The following DCC variants were observed in gnomAD, a reference collection of about 807,000 sequenced individuals.
The protein encoded by DCC is netrin receptor DCC.
Under a neutral mutation model 172.5 loss-of-function variants are expected in DCC, and 58 were observed. That is an observed-to-expected ratio of 0.34 (90% CI 0.27 to 0.42). The LOEUF is 0.42. DCC is among the 10% of genes least tolerant of loss of function. The probability of loss-of-function intolerance (pLI) is 1.00; values close to 1 mark genes in which losing one functional copy is unlikely to be tolerated. For synonymous variants in DCC, 709 were observed against 644.5 expected (o/e 1.10, Z -1.52); for missense variants, 1,740 against 1,791.0 (o/e 0.97, Z 0.51).
intron 1 of DCC, among the ~76,000 whole-genome samples, chr18:52,745,041 G>A (rs2036885681): frequency 6.6e-6 from 1 of 152,068 alleles, no homozygotes; most frequent in Non-Finnish European, 1.5e-5. Context: ...TGCTTAATGG[G>A]GTAAGGCCAT....
At chr18:53,021,078 C>T (rs2041873543) in intron 5 of DCC, among the ~76,000 whole-genome samples, 2 of 152,168 alleles carry the variant, frequency 1.3e-5, no homozygotes, top group African/African-American at 4.8e-5. Context: ...ACTGATTTCT[C>T]CCAGTGTTGA....
intron 1 of DCC, 25 bp downstream of exon 1, chr18:52,340,903 C>T (rs1172051598): frequency 4.6e-6 from 7 of 1,530,514 alleles, no homozygotes; most frequent in South Asian, 2.2e-5. Context: ...CCTTTCTTCT[C>T]GTCGCACCCC....
At chr18:52,803,932 T>C (rs924312319) in intron 2 of DCC, among the ~76,000 whole-genome samples, 3 of 152,128 alleles carry the variant, frequency 2.0e-5, no homozygotes, top group Admixed American at 6.5e-5. Context: ...TGTGATGACG[T>C]TTTGCTGGGG....
At chr18:53,317,259 T>A (rs2057354555) in intron 13 of DCC, among the ~76,000 whole-genome samples, 1 of 152,206 alleles carries the variant, frequency 6.6e-6, no homozygotes, top group African/African-American at 2.4e-5. Context: ...ATCATATGGT[T>A]CTGTTTATGT....
chr18:53,323,663 T>TTGGA (rs796384442), intron 14 of DCC, among the ~76,000 whole-genome samples: 14 of 151,756 alleles, frequency 9.2e-5, no homozygotes, highest in Non-Finnish European at 1.5e-4. Flanking sequence ...TGGTGGTTGG[T>TTGGA]TGGTTGGATG....
Position 52,758,669 on chromosome 18 carries a change from C to T in DCC, c.412+6295C>T, listed in dbSNP as rs367749502. ...ACCTTTATGTTCTTACTTAAAAGAACCTGAAAAAAAAAAACCTTAACTGAA... is the reference window on the plus strand; with the variant it reads ...ACCTTTATGTTCTTACTTAAAAGAATCTGAAAAAAAAAAACCTTAACTGAA... On this transcript the variant is annotated intron_variant, in intron 2 of 28. Coordinates refer to ENST00000442544, the MANE Select transcript of DCC (RefSeq NM_005215.4). 25 of 142,378 alleles carry T rather than the reference C, an allele frequency of 1.8e-4. No individual in the cohort carries two copies. In the East Asian group the frequency reaches 2.0e-3, roughly 11 times the overall value. 8.8% of individuals were successfully genotyped at this position (142,378 alleles called of 1,614,324 possible).
intron 12 of DCC, among the ~76,000 whole-genome samples, chr18:53,217,945 A>G (rs1450817670): frequency 6.6e-6 from 1 of 152,076 alleles, no homozygotes; most frequent in South Asian, 2.1e-4. Context: ...CTTAGGCTCA[A>G]GTGATCCTCT....
chr18:53,143,271 C>T (rs753032190), intron 7 of DCC, among the ~76,000 whole-genome samples: 3 of 152,010 alleles, frequency 2.0e-5, no homozygotes, highest in Non-Finnish European at 4.4e-5. Flanking sequence ...ATGATTGTAC[C>T]ACATTCTGTG....
intron 1 of DCC, among the ~76,000 whole-genome samples, chr18:52,346,803 T>G (rs1005130144): frequency 4.6e-5 from 7 of 152,220 alleles, no homozygotes; most frequent in African/African-American, 1.7e-4. Context: ...AATGTTTCTC[T>G]TTTCTAGTAA....
chr18:53,041,622 G>A (rs1206196941), intron 5 of DCC, among the ~76,000 whole-genome samples: 1 of 151,972 alleles, frequency 6.6e-6, no homozygotes, highest in African/African-American at 2.4e-5. Context: ...CCATTTTTAT[G>A]ATATTGAGTC....
intron 5 of DCC, among the ~76,000 whole-genome samples, chr18:53,020,985 T>C (rs1220278152): frequency 6.6e-6 from 1 of 151,970 alleles, no homozygotes; most frequent in Non-Finnish European, 1.5e-5. Context: ...CAAGACCTTT[T>C]ACTAGACTGA....
At chr18:52,790,180 T>C (rs9958825) in intron 2 of DCC, among the ~76,000 whole-genome samples, 6,549 of 152,210 alleles carry the variant, frequency 0.043, 221 homozygotes, top group South Asian at 0.16. Context: ...CCCAAAGACA[T>C]GAAACAATAT....
intron 1 of DCC, among the ~76,000 whole-genome samples, chr18:52,704,466 T>G (rs2036173949): frequency 6.6e-6 from 1 of 152,234 alleles, no homozygotes; most frequent in Non-Finnish European, 1.5e-5. Context: ...ATATACAGAC[T>G]GTTTTCAATT....
intron 2 of DCC, among the ~76,000 whole-genome samples, chr18:52,808,131 G>T (rs2038122205): frequency 6.6e-6 from 1 of 152,144 alleles, no homozygotes; most frequent in African/African-American, 2.4e-5. Context: ...AAGCTTAGGT[G>T]CCTAATAAGA....
intron 1 of DCC, among the ~76,000 whole-genome samples, chr18:52,692,874 T>C (rs2145015621): frequency 6.6e-6 from 1 of 152,204 alleles, no homozygotes; most frequent in South Asian, 2.1e-4. Flanking sequence ...AATACAATTA[T>C]AAAAAATGAG....
At chr18:52,629,673 G>T (rs1323847867) in intron 1 of DCC, among the ~76,000 whole-genome samples, 2 of 152,004 alleles carry the variant, frequency 1.3e-5, no homozygotes, top group East Asian at 1.9e-4. Flanking sequence ...AAATTAGTCC[G>T]GGCGCGGTGG....
At chr18:53,313,833 A>G (rs1480909031) in intron 13 of DCC, among the ~76,000 whole-genome samples, 1 of 152,202 alleles carries the variant, frequency 6.6e-6, no homozygotes, top group Non-Finnish European at 1.5e-5. Flanking sequence ...TTACCCAAGG[A>G]TAGTCCAAGC....
intron 12 of DCC, among the ~76,000 whole-genome samples, chr18:53,259,571 A>G (rs113678360): frequency 0.058 from 8,800 of 152,140 alleles, 795 homozygotes; most frequent in African/African-American, 0.19. Flanking sequence ...AGTTTCTGCC[A>G]AGAGATCTGC....
chr18:53,073,444 GA>G (rs2042682571), intron 7 of DCC, among the ~76,000 whole-genome samples: 1 of 152,050 alleles, frequency 6.6e-6, no homozygotes, highest in African/African-American at 2.4e-5. Context: ...AGAATGGTAT[GA>G]AACCTGGGGG....
Sources: allele counts gnomAD v4.1 joint callset (sites outside exome capture counted in the v4.1 genomes callset), GRCh38; gene constraint gnomAD v4.1.1; transcripts MANE v1.5; gene names NCBI Gene and HGNC (gene_info 2026-07-23, HGNC 2026-07-21).